The following DOK6 variants were observed in gnomAD, a reference collection of about 807,000 sequenced individuals.
The protein encoded by DOK6 is docking protein 6, also known as downstream of tyrosine kinase 6.
DOK6 carries 22 observed loss-of-function variants against 44.0 expected under a neutral mutation model. That is an observed-to-expected ratio of 0.50 (90% CI 0.36 to 0.71). The LOEUF is 0.71. DOK6 is among the 30% of genes least tolerant of loss of function. The pLI, the probability that DOK6 is intolerant of heterozygous loss-of-function variation, is 0.00. For synonymous variants in DOK6, 166 were observed against 145.5 expected, an observed-to-expected ratio of 1.14 and a Z score of -1.01; for missense variants, 340 against 416.4, an observed-to-expected ratio of 0.82 and a Z score of 1.60.
At chr18:69,796,751 C>T (rs1252497978) in intron 7 of DOK6, among the ~76,000 whole-genome samples, 2 of 151,752 alleles carry the variant, frequency 1.3e-5, no homozygotes, top group African/African-American at 4.9e-5. Context: ...CAGTCAATCT[C>T]CACAACTGTG....
Position 69,842,918 on chromosome 18 carries a change from T to G in DOK6, c.*1535T>G, listed in dbSNP as rs1047287590. On this transcript the variant is annotated 3_prime_UTR_variant, in exon 8 of 8. Transcript: ENST00000382713. The stretch of plus-strand genomic sequence containing the variant: ...GGTTTTTTTTTTCTTAATAGGAAAA[T>G]TTTTTAAACTATCCAAATTAGTCTG... 1.3e-5 allele frequency: 2 copies of G among 151,896 alleles called. No homozygotes were observed. Among genetic ancestry groups the G allele is most frequent in the South Asian group, 4.2e-4 (2 of 4,810 alleles). The allele number at this position is 151,896 out of a possible 1,614,324, so 9.4% of individuals were successfully genotyped here. A position where few individuals can be genotyped will look rare whatever the true frequency, so the allele number is the denominator to read the frequency against.
At chr18:69,784,207 T>A (rs955777878) in intron 7 of DOK6, among the ~76,000 whole-genome samples, 4 of 151,994 alleles carry the variant, frequency 2.6e-5, no homozygotes, top group African/African-American at 7.2e-5. Context: ...ATAATAAAAA[T>A]TTTCCACCCT....
chr18:69,735,929 C>T (rs185901851), intron 5 of DOK6, among the ~76,000 whole-genome samples: 1 of 152,314 alleles, frequency 6.6e-6, no homozygotes, highest in Non-Finnish European at 1.5e-5. Context: ...CCCACTATCA[C>T]ATATATTACT....
intron 4 of DOK6, among the ~76,000 whole-genome samples, 166 bp from the exon 5 acceptor site, chr18:69,698,238 C>T (rs1465763690): frequency 6.6e-6 from 1 of 152,190 alleles, no homozygotes; most frequent in African/African-American, 2.4e-5. Flanking sequence ...CTCCTTTTCT[C>T]ATACAAATTT....
chr18:69,565,796 T>C (rs1219848077), intron 2 of DOK6, among the ~76,000 whole-genome samples: 4 of 152,210 alleles, frequency 2.6e-5, no homozygotes, highest in African/African-American at 9.7e-5. Context: ...GTTATATATC[T>C]CTAAAGATTA....
At chr18:69,543,374 T>C (rs754690311) in intron 1 of DOK6, among the ~76,000 whole-genome samples, 57 of 151,562 alleles carry the variant, frequency 3.8e-4, no homozygotes, top group Non-Finnish European at 6.3e-4. Flanking sequence ...GCGATAAGTA[T>C]GAGGAAAGAT....
At chr18:69,647,201 A>G (rs1181632249) in intron 3 of DOK6, among the ~76,000 whole-genome samples, 1 of 151,240 alleles carries the variant, frequency 6.6e-6, no homozygotes, top group African/African-American at 2.4e-5. Flanking sequence ...CTACCTATCT[A>G]TCTCCTGTCT....
intron 1 of DOK6, among the ~76,000 whole-genome samples, chr18:69,559,932 AC>A (rs1438315293): frequency 1.3e-5 from 2 of 152,082 alleles, no homozygotes; most frequent in Non-Finnish European, 2.9e-5. Flanking sequence ...TCAAGGCTCA[AC>A]CCTCATGACC....
chr18:69,627,061 C>T (rs1984572765), intron 3 of DOK6, among the ~76,000 whole-genome samples: 1 of 152,120 alleles, frequency 6.6e-6, no homozygotes, highest in Non-Finnish European at 1.5e-5. Context: ...TGGGTAAATA[C>T]TCTCACGCAG....
intron 3 of DOK6, among the ~76,000 whole-genome samples, chr18:69,652,861 T>C (rs1430976504): frequency 6.6e-6 from 1 of 152,176 alleles, no homozygotes; most frequent in Admixed American, 6.6e-5. Context: ...ATAGAGATGA[T>C]TCTAGCTGCA....
chr18:69,667,508 A>G (rs563029160), intron 3 of DOK6, among the ~76,000 whole-genome samples: 17 of 152,326 alleles, frequency 1.1e-4, no homozygotes, highest in African/African-American at 3.6e-4. Context: ...AAAAGGTAAC[A>G]AAAACTTTCT....
At chr18:69,418,558 C>T (rs1279973139) in intron 1 of DOK6, among the ~76,000 whole-genome samples, 1 of 152,018 alleles carries the variant, frequency 6.6e-6, no homozygotes, top group Non-Finnish European at 1.5e-5. Context: ...AATTCCTGGA[C>T]TCAGGTGATC....
intron 3 of DOK6, chr18:69,660,224 G>A (rs1217058803): frequency 1.3e-5 from 2 of 152,108 alleles, no homozygotes; most frequent in Admixed American, 6.6e-5. Flanking sequence ...CCCTCTGCAT[G>A]GAGGCCTGCA....
chr18:69,490,144 A>T (rs1599155928), intron 1 of DOK6, among the ~76,000 whole-genome samples: 1 of 152,150 alleles, frequency 6.6e-6, no homozygotes, highest in Non-Finnish European at 1.5e-5. Context: ...AAGAAAACAA[A>T]AAAAAAGCAA....
intron 5 of DOK6, among the ~76,000 whole-genome samples, chr18:69,716,863 C>T (rs956691338): frequency 6.6e-6 from 1 of 152,088 alleles, no homozygotes; most frequent in African/African-American, 2.4e-5. Flanking sequence ...TCAAAGCCAT[C>T]GACTCCACCC....
intron 1 of DOK6, among the ~76,000 whole-genome samples, chr18:69,463,126 G>A (rs1286159845): frequency 6.6e-6 from 1 of 152,118 alleles, no homozygotes; most frequent in African/African-American, 2.4e-5. Context: ...TCTAGTGAGG[G>A]CCTGCTTCCC....
intron 7 of DOK6, among the ~76,000 whole-genome samples, chr18:69,823,176 G>A (rs779844179): frequency 7.9e-5 from 12 of 152,074 alleles, no homozygotes; most frequent in Non-Finnish European, 1.8e-4. Context: ...CTGTGTGCCT[G>A]GCATTTCACA....
At chr18:69,415,066 G>C (rs887325546) in intron 1 of DOK6, among the ~76,000 whole-genome samples, 6 of 151,968 alleles carry the variant, frequency 3.9e-5, no homozygotes, top group Non-Finnish European at 8.8e-5. Flanking sequence ...CCTCATTGTT[G>C]AGTAAAATAA....
intron 1 of DOK6, among the ~76,000 whole-genome samples, chr18:69,416,443 T>G (rs1978343196): frequency 6.6e-6 from 1 of 152,144 alleles, no homozygotes. Context: ...CATTGTCACC[T>G]GTGAAAACAT....
Sources: gnomAD v4.1 joint callset for allele counts (sites outside exome capture counted in the v4.1 genomes callset) on GRCh38, gnomAD v4.1.1 for gene constraint, MANE v1.5 for transcripts, NCBI Gene and HGNC (gene_info 2026-07-23, HGNC 2026-07-21) for gene names.